The following AKAP7 variants were observed in gnomAD, a reference collection of about 807,000 sequenced individuals.
AKAP7 encodes the protein A kinase (PRKA) anchor protein 7.
AKAP7 carries 39 observed loss-of-function variants against 39.5 expected under a neutral mutation model. That is an observed-to-expected ratio of 0.99 (90% CI 0.76 to 1.29). AKAP7 has a LOEUF of 1.29. AKAP7 is among the 50% of genes most tolerant of loss of function. The pLI, the probability that AKAP7 is intolerant of heterozygous loss-of-function variation, is 0.00. For synonymous variants in AKAP7, 140 were observed against 139.1 expected (o/e 1.01, Z -0.05); for missense variants, 414 against 407.7 (o/e 1.02, Z -0.13).
intron 7 of AKAP7, among the ~76,000 whole-genome samples, chr6:131,233,044 C>T (rs2077490): frequency 0.35 from 52,720 of 151,504 alleles, 9,546 homozygotes; most frequent in Middle Eastern, 0.41. Flanking sequence ...ATAACTTTTG[C>T]ATACAATATT....
intron 7 of AKAP7, among the ~76,000 whole-genome samples, chr6:131,275,586 C>T (rs1227026429): frequency 6.6e-6 from 1 of 152,134 alleles, no homozygotes; most frequent in Non-Finnish European, 1.5e-5. Context: ...AGGGGCTGTG[C>T]TGGGATATCA....
chr6:131,260,053 G>GT lies in AKAP7; in HGVS notation c.851-21467dup, dbSNP rs905658578. On this transcript the variant is annotated intron_variant, in intron 7 of 7. Coordinates refer to ENST00000431975, the MANE Select transcript of AKAP7 (RefSeq NM_016377.4). ...TTGTAAGTGAGAACATGTGGTGTTT[G>GT]TTTTTTTTTTCTGTTCCTGTGTTAG... 2.6e-3 allele frequency among the ~76,000 whole-genome samples: 388 copies of GT among 148,562 alleles called. 2 individuals carry two copies. Among genetic ancestry groups the GT allele is most frequent in the African/African-American group, 8.1e-3 (330 of 40,564 alleles).
intron 5 of AKAP7, among the ~76,000 whole-genome samples, chr6:131,180,081 G>A (rs191402347): frequency 6.6e-6 from 1 of 152,284 alleles, no homozygotes; most frequent in East Asian, 1.9e-4. Context: ...CCAGCCCCCT[G>A]TTTGGAGCAA....
intron 7 of AKAP7, among the ~76,000 whole-genome samples, chr6:131,262,661 C>T (rs771465525): frequency 3.3e-4 from 50 of 151,858 alleles, no homozygotes; most frequent in Non-Finnish European, 6.3e-4. Context: ...GTTAATAAGA[C>T]GTTTCCAAGG....
chr6:131,207,963 G>A lies in AKAP7; in HGVS notation c.702+8390G>A, dbSNP rs145290424. On this transcript the variant is annotated intron_variant, in intron 6 of 7. Transcript: ENST00000431975. ...TCTGTAAACTATTTTTGAATCTCCC[G>A]GTGTCAGATGGCTTAATTACTCACA... Among the ~76,000 whole-genome samples, 492 of 152,168 alleles carry A rather than the reference G, an allele frequency of 3.2e-3. 4 individuals are homozygous for A. The highest frequency in any genetic ancestry group is 0.011 in the African/African-American group (464 of 41,514).
intron 7 of AKAP7, chr6:131,250,379 TGCTCACGGC>T: frequency 7.0e-7 from 1 of 1,425,756 alleles, no homozygotes; most frequent in Admixed American, 2.6e-5. Context: ...GAGCCTTTTT[TGCTCACGGC>T]AGCAAGTTCC....
intron 7 of AKAP7, among the ~76,000 whole-genome samples, chr6:131,239,765 T>G (rs1023770634): frequency 6.6e-6 from 1 of 152,252 alleles, no homozygotes; most frequent in Non-Finnish European, 1.5e-5. Flanking sequence ...CATCAGGTCC[T>G]TTAAGGACTT....
At chr6:131,245,119 T>C (rs1811892557) in intron 7 of AKAP7, among the ~76,000 whole-genome samples, 1 of 152,212 alleles carries the variant, frequency 6.6e-6, no homozygotes, top group Non-Finnish European at 1.5e-5. Flanking sequence ...TGTGGTTTAA[T>C]GATGTTGTTT....
At chr6:131,142,408 G>A (rs1801121724) in intron 1 of AKAP7, among the ~76,000 whole-genome samples, 1 of 152,206 alleles carries the variant, frequency 6.6e-6, no homozygotes, top group Admixed American at 6.5e-5. Flanking sequence ...GGCTCAAAAG[G>A]CCCCAGCGAC....
At chr6:131,141,899 C>CTTTTTTT (rs773131426) in intron 1 of AKAP7, among the ~76,000 whole-genome samples, 3 of 116,220 alleles carry the variant, frequency 2.6e-5, no homozygotes, top group East Asian at 2.3e-4. Context: ...TTCTTTCTTT[C>CTTTTTTT]TTTTTTTTTT....
intron 2 of AKAP7, among the ~76,000 whole-genome samples, chr6:131,150,776 T>A (rs2128230609): frequency 6.6e-6 from 1 of 152,298 alleles, no homozygotes; most frequent in Middle Eastern, 3.4e-3. Context: ...TCATTCATTA[T>A]CGATGACATT....
At position 131,238,228 on chromosome 6, in the gene AKAP7, C is replaced by T. The variant is rs1453256202; in HGVS notation, c.850+18420C>T. Among the ~76,000 whole-genome samples, 4 of 152,174 alleles carry T rather than the reference C, an allele frequency of 2.6e-5. No homozygotes were observed. The East Asian group carries it at 7.7e-4, about 29-fold the overall frequency. ...TGGTTGAACGGTTTTGAGTGAGTTT[C>T]TTAATCCTGAGTTCTAGTTTGATTG... On this transcript the variant is annotated intron_variant, in intron 7 of 7. Transcript: ENST00000431975.
intron 7 of AKAP7, among the ~76,000 whole-genome samples, chr6:131,231,649 A>G (rs1258288881): frequency 1.3e-5 from 2 of 152,156 alleles, no homozygotes; most frequent in Admixed American, 1.3e-4. Context: ...TATCATCTAA[A>G]TGGTATACTT....
At chr6:131,136,828 A>G (rs1800585285) in intron 1 of AKAP7, 1 of 984,872 alleles carries the variant, frequency 1.0e-6, no homozygotes, top group African/African-American at 1.7e-5. Context: ...CGCAGCTGTC[A>G]ACATTTACTA....
At chr6:131,250,142 T>G in intron 7 of AKAP7, 3 of 984,890 alleles carry the variant, frequency 3.0e-6, no homozygotes, top group African/African-American at 1.7e-5. Context: ...TTTTTGGGGG[T>G]TTGAATTTTC....
At chr6:131,250,408 T>C (rs1229428287) in intron 7 of AKAP7, 28 of 1,453,448 alleles carry the variant, frequency 1.9e-5, no homozygotes, top group Non-Finnish European at 2.5e-5. Context: ...CCTTCTCCTT[T>C]CTCTCCCCCG....
At chr6:131,247,173 G>T (rs926340031) in intron 7 of AKAP7, among the ~76,000 whole-genome samples, 6 of 148,382 alleles carry the variant, frequency 4.0e-5, no homozygotes, top group African/African-American at 1.2e-4. Context: ...TTTCATTATG[G>T]TTAATTCACT....
At chr6:131,170,183 A>T (rs4483002) in intron 5 of AKAP7, among the ~76,000 whole-genome samples, 64,559 of 142,584 alleles carry the variant, frequency 0.45, 15,230 homozygotes, top group East Asian at 0.75. Flanking sequence ...GCATTGGGAG[A>T]TATACCTAAT....
At chr6:131,236,299 T>A (rs1356911419) in intron 7 of AKAP7, among the ~76,000 whole-genome samples, 1 of 151,870 alleles carries the variant, frequency 6.6e-6, no homozygotes. Context: ...GCTGTTTTGG[T>A]TACTGTAGCC....
Sources: gnomAD v4.1 joint callset for allele counts (sites outside exome capture counted in the v4.1 genomes callset) on GRCh38, gnomAD v4.1.1 for gene constraint, MANE v1.5 for transcripts, NCBI Gene and HGNC (gene_info 2026-07-23, HGNC 2026-07-21) for gene names.